The following SVEP1 variants were observed in gnomAD, a reference collection of about 807,000 sequenced individuals.
The protein encoded by SVEP1 is sushi, von Willebrand factor type A, EGF and pentraxin domain containing 1, also known as sushi, von Willebrand factor type A, EGF and pentraxin domain-containing protein 1.
A neutral mutation model predicts 367.3 loss-of-function variants in SVEP1; 164 were observed. The observed-to-expected ratio is 0.45, with a 90% confidence interval of 0.39 to 0.51. SVEP1 has a LOEUF of 0.51. SVEP1 is among the 20% of genes least tolerant of loss of function. The probability of loss-of-function intolerance (pLI) is 0.00; values close to 1 mark genes in which losing one functional copy is unlikely to be tolerated. For missense variants in SVEP1, 4,117 were observed against 4,425.3 expected, an observed-to-expected ratio of 0.93 and a Z score of 1.98; for synonymous variants, 1,666 against 1,611.6, an observed-to-expected ratio of 1.03 and a Z score of -0.81.
intron 27 of SVEP1, among the ~76,000 whole-genome samples, chr9:110,440,907 T>C (rs538942418): frequency 2.0e-5 from 3 of 151,866 alleles, no homozygotes; most frequent in African/African-American, 4.8e-5. Context: ...GAAGGGGCCA[T>C]GAAAAGGGCA....
At chr9:110,547,854 T>C (rs925588794) in intron 2 of SVEP1, among the ~76,000 whole-genome samples, 5 of 152,202 alleles carry the variant, frequency 3.3e-5, no homozygotes, top group African/African-American at 1.2e-4. Flanking sequence ...GGGTTTTACT[T>C]ACTAAACCTA....
intron 27 of SVEP1, among the ~76,000 whole-genome samples, chr9:110,442,241 C>T (rs946831336): frequency 6.6e-6 from 1 of 152,196 alleles, no homozygotes; most frequent in East Asian, 1.9e-4. Flanking sequence ...GTGATGAACA[C>T]CTCACTCTCT....
intron 35 of SVEP1, among the ~76,000 whole-genome samples, 160 bp downstream of exon 35, chr9:110,428,983 C>A (rs1344556575): frequency 6.6e-6 from 1 of 152,116 alleles, no homozygotes; most frequent in Admixed American, 6.6e-5. Flanking sequence ...GTGGGAGGAT[C>A]GCTTGAGCCT....
rs34764782 is a variant in SVEP1 at position 110,529,608 on chromosome 9, G to GT, written c.965-15503dup. Among the ~76,000 whole-genome samples, 934 of 150,240 alleles carry GT rather than the reference G, an allele frequency of 6.2e-3. 12 individuals are homozygous for GT. Among genetic ancestry groups the GT allele is most frequent in the African/African-American group, 0.021 (855 of 40,916 alleles). ...GGTTACGTATATTCCTAGGAAGTTT[G>GT]TTTTTTTTTTGTTACTATTGTAAAA... is the stretch of plus-strand genomic sequence containing the variant. On this transcript the variant is annotated intron_variant, in intron 3 of 47. Coordinates refer to ENST00000374469, the MANE Select transcript of SVEP1 (RefSeq NM_153366.4).
chr9:110,397,300 A>C (rs1827778182), intron 40 of SVEP1, among the ~76,000 whole-genome samples: 1 of 152,274 alleles, frequency 6.6e-6, no homozygotes, highest in Admixed American at 6.5e-5. Flanking sequence ...ACAACACTTC[A>C]TGCTAAAAAC....
chr9:110,442,729 C>G (rs1057074900), intron 27 of SVEP1: 1 of 152,080 alleles, frequency 6.6e-6, no homozygotes, highest in African/African-American at 2.4e-5. Flanking sequence ...TTCCAAAGTG[C>G]TGGGATTACA....
intron 40 of SVEP1, among the ~76,000 whole-genome samples, chr9:110,396,558 G>A (rs971883978): frequency 3.3e-5 from 5 of 151,890 alleles, no homozygotes; most frequent in African/African-American, 7.3e-5. Flanking sequence ...ATGAATCCAG[G>A]AGCTGGCTTT....
Position 110,427,561 on chromosome 9 carries a change from A to G in SVEP1, c.5975+30T>C, listed in dbSNP as rs377725987. 6.2e-6 allele frequency: 10 copies of G among 1,600,066 alleles called. No individual in the cohort carries two copies. In the African/African-American group the frequency reaches 1.1e-4, roughly 17 times the overall value. ...GGAGCATCCACTTCCTTGGCTCTCA[A>G]TGATCCTTTCCTTCACAGGCCCTAC... is the stretch of plus-strand genomic sequence containing the variant. On this transcript the variant is annotated intron_variant, in intron 36 of 47. Coordinates refer to ENST00000374469, the MANE Select transcript of SVEP1 (RefSeq NM_153366.4).
intron 3 of SVEP1, among the ~76,000 whole-genome samples, chr9:110,529,223 T>C (rs1448492173): frequency 2.6e-5 from 4 of 152,174 alleles, no homozygotes; most frequent in African/African-American, 7.2e-5. Flanking sequence ...TTCTGTTACA[T>C]TGGTCTATAT....
chr9:110,555,650 T>A (rs969210435), intron 1 of SVEP1, among the ~76,000 whole-genome samples: 2 of 152,114 alleles, frequency 1.3e-5, no homozygotes, highest in Non-Finnish European at 2.9e-5. Context: ...AACTGGTGAA[T>A]ATTTACAGGA....
At chr9:110,392,434 G>C (rs905148615) in intron 40 of SVEP1, among the ~76,000 whole-genome samples, 3 of 151,980 alleles carry the variant, frequency 2.0e-5, no homozygotes, top group Non-Finnish European at 4.4e-5. Flanking sequence ...GTGGAGGTGG[G>C]AGAGCACAAA....
intron 41 of SVEP1, among the ~76,000 whole-genome samples, 198 bp from the exon 42 acceptor site, chr9:110,387,656 T>G (rs1315158416): frequency 6.6e-6 from 1 of 152,212 alleles, no homozygotes; most frequent in Non-Finnish European, 1.5e-5. Context: ...CAATTAAAGA[T>G]TGGGAGTTAG....
intron 1 of SVEP1, among the ~76,000 whole-genome samples, chr9:110,578,316 C>G (rs922217561): frequency 2.0e-5 from 3 of 151,686 alleles, no homozygotes; most frequent in Non-Finnish European, 4.4e-5. Flanking sequence ...TACTGGGCAA[C>G]TGTTCAACAA....
At chr9:110,570,467 C>CGTGTGTGTGT (rs59503025) in intron 1 of SVEP1, among the ~76,000 whole-genome samples, 14,784 of 146,806 alleles carry the variant, frequency 0.1, 974 homozygotes, top group African/African-American at 0.19. Context: ...GTTTCTGTTG[C>CGTGTGTGTGT]GTGTGTGTGT....
At chr9:110,568,370 T>C (rs1156595977) in intron 1 of SVEP1, among the ~76,000 whole-genome samples, 1 of 152,258 alleles carries the variant, frequency 6.6e-6, no homozygotes, top group East Asian at 1.9e-4. Context: ...GAGTGTGCGA[T>C]GAACATTCTT....
At chr9:110,573,943 A>C (rs1218914023) in intron 1 of SVEP1, among the ~76,000 whole-genome samples, 1 of 152,152 alleles carries the variant, frequency 6.6e-6, no homozygotes, top group African/African-American at 2.4e-5. Context: ...CTCTTTGAAG[A>C]GTGCTAGGGG....
At chr9:110,577,609 T>C (rs77599294) in intron 1 of SVEP1, among the ~76,000 whole-genome samples, 5,324 of 152,136 alleles carry the variant, frequency 0.035, 112 homozygotes, top group Non-Finnish European at 0.049. Flanking sequence ...TTTGAGTGTA[T>C]AAAAATGTAA....
intron 36 of SVEP1, among the ~76,000 whole-genome samples, chr9:110,413,330 G>C (rs1161719296): frequency 6.8e-6 from 1 of 146,518 alleles, no homozygotes; most frequent in African/African-American, 2.5e-5. Context: ...TTATAGGTGG[G>C]AATTGAACAA....
At chr9:110,366,694 C>T (rs936049646) in intron 47 of SVEP1, 134 bp from the exon 48 acceptor site, 8 of 753,244 alleles carry the variant, frequency 1.1e-5, no homozygotes, top group East Asian at 2.8e-5. Flanking sequence ...GATGTTTATA[C>T]GGATGGGGGT....
Sources: allele counts gnomAD v4.1 joint callset (sites outside exome capture counted in the v4.1 genomes callset), GRCh38; gene constraint gnomAD v4.1.1; transcripts MANE v1.5; gene names NCBI Gene and HGNC (gene_info 2026-07-23, HGNC 2026-07-21).